The following PACRG variants were observed in gnomAD, a reference collection of about 807,000 sequenced individuals.
The protein encoded by PACRG is parkin coregulated gene protein.
PACRG carries 29 observed loss-of-function variants against 29.7 expected under a neutral mutation model. The observed-to-expected ratio is 0.98, with a 90% CI of 0.73 to 1.33. PACRG has a LOEUF of 1.33. PACRG is among the 40% of genes most tolerant of loss of function. PACRG has a pLI of 0.00. For synonymous variants in PACRG, 116 were observed against 118.7 expected, an observed-to-expected ratio of 0.98 and a Z score of 0.15; for missense variants, 279 against 316.2, an observed-to-expected ratio of 0.88 and a Z score of 0.89.
intron 4 of PACRG, among the ~76,000 whole-genome samples, chr6:163,225,955 G>T (rs894080495): frequency 6.6e-5 from 10 of 152,070 alleles, no homozygotes; most frequent in Admixed American, 6.6e-4. Context: ...GAGGCAGGAG[G>T]ATCACTTGAG....
intron 2 of PACRG, among the ~76,000 whole-genome samples, chr6:163,045,807 G>A (rs866911667): frequency 1.3e-5 from 2 of 151,444 alleles, no homozygotes; most frequent in Middle Eastern, 3.4e-3. Context: ...GTAGAGACGG[G>A]GTTTCACCAT....
At chr6:163,108,840 A>G (rs1169542684) in intron 4 of PACRG, among the ~76,000 whole-genome samples, 1 of 152,238 alleles carries the variant, frequency 6.6e-6, no homozygotes, top group African/African-American at 2.4e-5. Context: ...TCCAACAAAG[A>G]AAAGGTCTGC....
At chr6:163,306,875 T>C (rs1376381158) in intron 4 of PACRG, among the ~76,000 whole-genome samples, 1 of 152,180 alleles carries the variant, frequency 6.6e-6, no homozygotes, top group African/African-American at 2.4e-5. Flanking sequence ...ATTAGGTGAA[T>C]AGAAACCAGA....
chr6:162,773,605 C>G (rs900777597), intron 1 of PACRG, among the ~76,000 whole-genome samples: 10 of 148,054 alleles, frequency 6.8e-5, no homozygotes, highest in African/African-American at 2.5e-4. Context: ...AGCTCCGCTT[C>G]CCGGGTTCAC....
intron 4 of PACRG, among the ~76,000 whole-genome samples, chr6:163,197,201 C>T (rs1780495287): frequency 6.6e-6 from 1 of 152,046 alleles, no homozygotes; most frequent in South Asian, 2.1e-4. Flanking sequence ...GAGCATTTCC[C>T]TTTGAATACA....
intron 2 of PACRG, among the ~76,000 whole-genome samples, chr6:162,955,821 C>A (rs1799979197): frequency 6.6e-6 from 1 of 152,162 alleles, no homozygotes; most frequent in African/African-American, 2.4e-5. Context: ...TGGGGCCCAG[C>A]CTGAATCACA....
chr6:163,249,015 CAAAAAA>C (rs57866351), intron 4 of PACRG, among the ~76,000 whole-genome samples: 9,039 of 107,408 alleles, frequency 0.084, 286 homozygotes, highest in East Asian at 0.16. Flanking sequence ...GACTCTGTCT[CAAAAAA>C]AAAAAAAAAA....
At chr6:162,813,868 G>GT (rs935111689) in intron 1 of PACRG, among the ~76,000 whole-genome samples, 3 of 152,010 alleles carry the variant, frequency 2.0e-5, no homozygotes, top group African/African-American at 4.8e-5. Flanking sequence ...CATAATATCA[G>GT]TTTTCTCTTC....
chr6:162,847,970 G>T (rs1790547331), intron 2 of PACRG, among the ~76,000 whole-genome samples: 1 of 152,172 alleles, frequency 6.6e-6, no homozygotes, highest in Non-Finnish European at 1.5e-5. Context: ...ATAGGGAAGA[G>T]AAATTGGAGG....
chr6:163,304,103 T>A (rs969338366), intron 4 of PACRG, among the ~76,000 whole-genome samples: 1 of 151,768 alleles, frequency 6.6e-6, no homozygotes, highest in East Asian at 1.9e-4. Context: ...AATTTAAAGA[T>A]GATCCAGGTA....
chr6:162,981,305 A>ATATATATATATATATTTTTT (rs925663285), intron 2 of PACRG, among the ~76,000 whole-genome samples: 3 of 149,132 alleles, frequency 2.0e-5, no homozygotes, highest in South Asian at 2.1e-4. Flanking sequence ...ATATATATAT[A>ATATATATATATATATTTTTT]TTTACAATGG....
chr6:163,085,283 C>G (rs476062), intron 3 of PACRG, among the ~76,000 whole-genome samples: 34,981 of 152,068 alleles, frequency 0.23, 4,562 homozygotes, highest in East Asian at 0.51. Flanking sequence ...CCTCACTAAG[C>G]AGTTTATAAG....
intron 2 of PACRG, among the ~76,000 whole-genome samples, chr6:162,882,196 G>C (rs1168076560): frequency 7.0e-6 from 1 of 142,842 alleles, no homozygotes; most frequent in African/African-American, 2.6e-5. Context: ...GGGGTGGGGG[G>C]GCGCACTCTC....
intron 4 of PACRG, among the ~76,000 whole-genome samples, chr6:163,282,464 A>C (rs889435952): frequency 6.6e-6 from 1 of 152,218 alleles, no homozygotes; most frequent in Non-Finnish European, 1.5e-5. Flanking sequence ...TAATCCCAGT[A>C]CTTTGGGAGG....
intron 4 of PACRG, among the ~76,000 whole-genome samples, chr6:163,244,267 T>G (rs1462216864): frequency 6.6e-6 from 1 of 152,214 alleles, no homozygotes; most frequent in Non-Finnish European, 1.5e-5. Context: ...TCTTAATTCC[T>G]TCATTTGCAT....
At chr6:163,176,275 C>T (rs1415605125) in intron 4 of PACRG, among the ~76,000 whole-genome samples, 1 of 152,196 alleles carries the variant, frequency 6.6e-6, no homozygotes, top group Non-Finnish European at 1.5e-5. Context: ...TTCTCTTTTC[C>T]TGCTCACAGT....
chr6:162,727,665 T>A, upstream of PACRG: 1 of 1,583,878 alleles, frequency 6.3e-7, no homozygotes, highest in Non-Finnish European at 8.6e-7. Flanking sequence ...CACGTACCTA[T>A]CATGGTCACT....
chr6:163,003,138 G>A (rs769264530), intron 2 of PACRG, among the ~76,000 whole-genome samples: 18 of 152,124 alleles, frequency 1.2e-4, no homozygotes, highest in Non-Finnish European at 2.2e-4. Context: ...AGTGCCAATC[G>A]ATGTTTATTA....
At chr6:162,929,408 TC>T (rs1282930890) in intron 2 of PACRG, among the ~76,000 whole-genome samples, 1 of 152,010 alleles carries the variant, frequency 6.6e-6, no homozygotes, top group Non-Finnish European at 1.5e-5. Flanking sequence ...TATTGGATCT[TC>T]TGCCCATTTT....
Sources: allele counts gnomAD v4.1 joint callset (sites outside exome capture counted in the v4.1 genomes callset), GRCh38; gene constraint gnomAD v4.1.1; transcripts MANE v1.5; gene names NCBI Gene and HGNC (gene_info 2026-07-23, HGNC 2026-07-21).